The following DYNC2LI1 variants were observed in gnomAD, a reference collection of about 807,000 sequenced individuals.
DYNC2LI1 encodes cytoplasmic dynein 2 light intermediate chain 1.
DYNC2LI1 carries 45 observed loss-of-function variants against 51.9 expected under a neutral mutation model. The ratio of observed to expected loss-of-function variants is 0.87; its 90% CI spans 0.68 to 1.11. DYNC2LI1 has a LOEUF of 1.11. Among genes scored for constraint, DYNC2LI1 ranks in the 50% most tolerant of loss-of-function variants. The pLI is 0.00. For synonymous variants in DYNC2LI1, 130 were observed against 137.8 expected, an observed-to-expected ratio of 0.94 and a Z score of 0.40; for missense variants, 490 against 417.4, an observed-to-expected ratio of 1.17 and a Z score of -1.51.
chr2:43,777,142 C>T (rs1043134545), intron 2 of DYNC2LI1, among the ~76,000 whole-genome samples: 5 of 152,104 alleles, frequency 3.3e-5, no homozygotes, highest in African/African-American at 1.2e-4. Flanking sequence ...TCTTCTACCA[C>T]AATTGAGTGT....
intron 6 of DYNC2LI1, chr2:43,794,932 C>A: frequency 1.5e-6 from 2 of 1,321,238 alleles, no homozygotes; most frequent in Non-Finnish European, 1.9e-6. Context: ...ATTTTATAAT[C>A]TCTGTAAAAA....
chr2:43,814,513 C>G (rs1666691692), downstream of DYNC2LI1: 10 of 1,608,866 alleles, frequency 6.2e-6, no homozygotes, highest in Non-Finnish European at 8.5e-6. Context: ...TCATTGACTA[C>G]AAGAATCTCA....
chr2:43,824,170 A>G, the DYNC2LI1 span: 5 of 1,613,880 alleles, frequency 3.1e-6, no homozygotes, highest in Non-Finnish European at 4.2e-6. Context: ...TTATTGGGGG[A>G]TGGCTAAAGA....
intron 3 of DYNC2LI1, among the ~76,000 whole-genome samples, chr2:43,784,111 CAT>C (rs534321544): frequency 1.4e-3 from 220 of 152,258 alleles, no homozygotes; most frequent in African/African-American, 5.1e-3. Context: ...CATTTGAATA[CAT>C]ATATCTTATA....
chr2:43,822,639 T>C, the DYNC2LI1 span: 1 of 982,790 alleles, frequency 1.0e-6, no homozygotes, highest in East Asian at 1.1e-4. Context: ...ACAATAAAAT[T>C]AATGTCCTGG....
At chr2:43,824,057 G>A in the DYNC2LI1 span, 77 of 1,614,070 alleles carry the variant, frequency 4.8e-5, no homozygotes, top group Non-Finnish European at 5.3e-5. Flanking sequence ...CCCATGATCA[G>A]ATTCTGAAGG....
At chr2:43,777,409 G>C (rs1489150886) in intron 2 of DYNC2LI1, among the ~76,000 whole-genome samples, 1 of 152,132 alleles carries the variant, frequency 6.6e-6, no homozygotes, top group East Asian at 1.9e-4. Flanking sequence ...GTTTTACTTG[G>C]CCAAGCATAC....
At chr2:43,802,177 G>T (rs1666097651) in intron 10 of DYNC2LI1, among the ~76,000 whole-genome samples, 1 of 152,078 alleles carries the variant, frequency 6.6e-6, no homozygotes, top group Non-Finnish European at 1.5e-5. Context: ...GAAATAGCAT[G>T]CCTCATCTAA....
downstream of DYNC2LI1, chr2:43,812,427 C>T (rs1278269675): frequency 2.0e-5 from 3 of 147,572 alleles, no homozygotes; most frequent in African/African-American, 5.0e-5. Context: ...AAATAGCAAA[C>T]GAATCTTTAA....
chr2:43,776,899 G>A lies in DYNC2LI1; in HGVS notation c.126G>A (p.Gly42=). ...KFVFFIGSKN[G]GKTTIILRCL... is the part of the protein sequence containing the mutation. ...TTTTCTTCATTGGCAGTAAAAATGG[G>A]GTAATGCTTTCTTTTTTTCAATTAT... The change falls in exon 2 of 13, where the codon GGG becomes GGA. Residue 42 remains glycine (G), a splice_region_variant and synonymous_variant. Coordinates refer to ENST00000260605, the MANE Select transcript of DYNC2LI1 (RefSeq NM_016008.4). 1 of 1,424,724 alleles carries A rather than the reference G, an allele frequency of 7.0e-7. No homozygotes were observed. The highest frequency in any genetic ancestry group is 9.8e-7 in the Non-Finnish European group (1 of 1,019,822). The allele number at this position is 1,424,724 out of a possible 1,614,324, so 88.3% of individuals were successfully genotyped here.
chr2:43,810,088 T>C, downstream of DYNC2LI1: 2 of 569,262 alleles, frequency 3.5e-6, no homozygotes, highest in Non-Finnish European at 4.5e-6. Flanking sequence ...AAAGTAAGAG[T>C]ATTTGGTTAC....
rs1673953246 is a variant in DYNC2LI1, at chr2:43,794,653, T to C, written c.507+10T>C. On this transcript the variant is annotated intron_variant, in intron 6 of 12. Coordinates refer to ENST00000260605, the MANE Select transcript of DYNC2LI1 (RefSeq NM_016008.4). ...GCCGAAGGATCATCCTGTGAGTTGC[T>C]GTTTGGGATTATTACTGGAATCCTT... 6.2e-7 allele frequency: 1 copy of C among 1,614,086 alleles called. No homozygotes were observed. Among genetic ancestry groups the C allele is most frequent in the Non-Finnish European group, 8.5e-7 (1 of 1,179,976 alleles).
intron 3 of DYNC2LI1, 76 bp from the exon 4 acceptor site, chr2:43,787,105 A>G: frequency 8.3e-7 from 1 of 1,204,942 alleles, no homozygotes; most frequent in South Asian, 1.4e-5. Flanking sequence ...AGGAAGGAAA[A>G]ATGAATCAGG....
downstream of DYNC2LI1, chr2:43,810,632 G>A (rs1369431569): frequency 1.8e-6 from 1 of 549,522 alleles, no homozygotes; most frequent in Admixed American, 6.4e-5. Context: ...CTACCCCAAG[G>A]GAGTACTGTC....
At chr2:43,775,854 ATTTTTTTTTTTT>A (rs57868887) in intron 1 of DYNC2LI1, 1,261 of 50,550 alleles carry the variant, frequency 0.025, 54 homozygotes, top group African/African-American at 0.1. Context: ...CACCTGGCCA[ATTTTTTTTTTTT>A]TTTTTTTTTT....
At chr2:43,786,918 A>T (rs1673548011) in intron 3 of DYNC2LI1, among the ~76,000 whole-genome samples, 1 of 152,160 alleles carries the variant, frequency 6.6e-6, no homozygotes, top group Non-Finnish European at 1.5e-5. Flanking sequence ...GTGGCCATCC[A>T]CGCTGCCAGC....
chr2:43,803,201 C>G (rs1248817153), intron 10 of DYNC2LI1, among the ~76,000 whole-genome samples: 1 of 152,118 alleles, frequency 6.6e-6, no homozygotes, highest in Admixed American at 6.6e-5. Context: ...ACTTAACTCT[C>G]ACACAAAAAA....
chr2:43,793,764 ATGTT>A (rs1673903684), intron 5 of DYNC2LI1: 1 of 152,050 alleles, frequency 6.6e-6, no homozygotes, highest in African/African-American at 2.4e-5. Flanking sequence ...TTGAACAGGA[ATGTT>A]TGTTTTTGTT....
At chr2:43,816,592 G>T in the DYNC2LI1 span, among the ~76,000 whole-genome samples, 1 of 152,154 alleles carries the variant, frequency 6.6e-6, no homozygotes, top group Non-Finnish European at 1.5e-5. Flanking sequence ...CACCTAGGCT[G>T]GAGTGCAGTG....
Sources: allele counts gnomAD v4.1 joint callset (sites outside exome capture counted in the v4.1 genomes callset), GRCh38; gene constraint gnomAD v4.1.1; transcripts MANE v1.5; gene names NCBI Gene and HGNC (gene_info 2026-07-23, HGNC 2026-07-21).